PWWP2A: variants seen among roughly 807,000 people sequenced by gnomAD.
PWWP2A encodes the protein PWWP domain containing 2A.
A neutral mutation model predicts 48.5 loss-of-function variants in PWWP2A; 18 were observed. The ratio of observed to expected loss-of-function variants is 0.37; its 90% CI spans 0.26 to 0.55. The LOEUF (loss-of-function observed/expected upper bound fraction) is 0.55. PWWP2A is among the 20% of genes least tolerant of loss of function. The pLI is 0.81. For synonymous variants in PWWP2A, 396 were observed against 387.7 expected (o/e 1.02, Z -0.25); for missense variants, 867 against 976.4 (o/e 0.89, Z 1.49).
At chr5:160,118,502 T>C (rs896599842) in intron 1 of PWWP2A, among the ~76,000 whole-genome samples, 14 of 144,908 alleles carry the variant, frequency 9.7e-5, no homozygotes, top group Admixed American at 4.2e-4. Context: ...CCAGTGACGG[T>C]GACTCCAGGC....
downstream of PWWP2A, chr5:160,089,897 A>C (rs1351547336): frequency 1.0e-6 from 1 of 985,176 alleles, no homozygotes; most frequent in Non-Finnish European, 1.2e-6. Flanking sequence ...ATTCAACTCT[A>C]TCTCCATCTG....
intron 1 of PWWP2A, among the ~76,000 whole-genome samples, chr5:160,115,055 T>C (rs1561707942): frequency 2.1e-5 from 3 of 145,412 alleles, no homozygotes; most frequent in Non-Finnish European, 4.5e-5. Context: ...AAGAATCACT[T>C]GAACCCGGTG....
chr5:160,081,491 C>T (rs544359743), intron 2 of PWWP2A, among the ~76,000 whole-genome samples: 3 of 152,268 alleles, frequency 2.0e-5, no homozygotes, highest in South Asian at 2.1e-4. Flanking sequence ...CCACCTACCT[C>T]GGCCTCCCAA....
At chr5:160,102,374 G>T (rs930893592) in intron 1 of PWWP2A, among the ~76,000 whole-genome samples, 2 of 146,300 alleles carry the variant, frequency 1.4e-5, no homozygotes, top group Non-Finnish European at 3.0e-5. Context: ...CTCCAGCCTG[G>T]GCAACCAGGC....
chr5:160,083,451 C>T (rs1000640091), intron 2 of PWWP2A, among the ~76,000 whole-genome samples: 6 of 152,148 alleles, frequency 3.9e-5, no homozygotes, highest in African/African-American at 9.7e-5. Flanking sequence ...GCAATAAAAA[C>T]GAAAATGTTC....
intron 4 of PWWP2A, among the ~76,000 whole-genome samples, chr5:160,066,239 G>C (rs543443665): frequency 6.7e-6 from 1 of 149,710 alleles, no homozygotes; most frequent in East Asian, 2.0e-4. Context: ...TGGATGGTCT[G>C]GTAGTCAGTG....
At chr5:160,079,301 C>T (rs1308023904) in intron 3 of PWWP2A, among the ~76,000 whole-genome samples, 1 of 151,798 alleles carries the variant, frequency 6.6e-6, no homozygotes, top group African/African-American at 2.4e-5. Context: ...ATGCTTCCTT[C>T]GCTTACTAGA....
downstream of PWWP2A, chr5:160,090,170 GTTTT>G (rs922403629): frequency 1.1e-6 from 1 of 910,478 alleles, no homozygotes; most frequent in Non-Finnish European, 1.3e-6. Flanking sequence ...CAACAATCAT[GTTTT>G]TTTTTTCTTC....
the PWWP2A span, among the ~76,000 whole-genome samples, chr5:160,049,312 A>G: frequency 6.6e-6 from 1 of 152,216 alleles, no homozygotes; most frequent in Non-Finnish European, 1.5e-5. Flanking sequence ...GCTGCGACAC[A>G]GATGGTCTGT....
At chr5:160,105,274 C>T (rs1046569846) in intron 1 of PWWP2A, among the ~76,000 whole-genome samples, 10 of 142,572 alleles carry the variant, frequency 7.0e-5, no homozygotes, top group South Asian at 2.2e-4. Flanking sequence ...ACAGGCTGGG[C>T]GCGGTGGCTC....
At chr5:160,105,462 TGGGAGGCAGAGGTTGCA>T (rs1219121305) in intron 1 of PWWP2A, among the ~76,000 whole-genome samples, 6 of 147,144 alleles carry the variant, frequency 4.1e-5, no homozygotes, top group East Asian at 4.0e-4. Flanking sequence ...CGCCTGAACC[TGGGAGGCAGAGGTTGCA>T]GGGAGGCAGA....
chr5:160,090,937 G>GA, downstream of PWWP2A: 4 of 985,008 alleles, frequency 4.1e-6, no homozygotes, highest in Non-Finnish European at 4.8e-6. Flanking sequence ...GGACCATGTA[G>GA]AAAAATAGTA....
At chr5:160,109,649 G>C (rs1757243201) in intron 1 of PWWP2A, among the ~76,000 whole-genome samples, 1 of 150,678 alleles carries the variant, frequency 6.6e-6, no homozygotes, top group South Asian at 2.1e-4. Flanking sequence ...AAAACAAGGA[G>C]AGGCTTTGAA....
downstream of PWWP2A, among the ~76,000 whole-genome samples, chr5:160,058,479 C>T (rs187769667): frequency 2.8e-3 from 418 of 147,816 alleles, 3 homozygotes; most frequent in African/African-American, 9.4e-3. Flanking sequence ...GGTGCGATCT[C>T]GGCTCAGTGC....
At chr5:160,108,632 C>A in intron 1 of PWWP2A, 1 of 1,260,582 alleles carries the variant, frequency 7.9e-7, no homozygotes. Context: ...GAAAAGAAAT[C>A]ATTGTCTTGG....
At position 160,092,166 on chromosome 5, in the gene PWWP2A, A is replaced by G; in HGVS notation, c.*216T>C. 1 of 1,309,854 alleles carries G rather than the reference A, an allele frequency of 7.6e-7. No homozygotes were observed. Among genetic ancestry groups the G allele is most frequent in the African/African-American group, 1.5e-5 (1 of 67,552 alleles). The allele number at this position is 1,309,854 out of a possible 1,614,324, so 81.1% of individuals were successfully genotyped here. A position where few individuals can be genotyped will look rare whatever the true frequency, so the allele number is the denominator to read the frequency against. On this transcript the variant is annotated 3_prime_UTR_variant, in exon 2 of 2. Transcript: ENST00000307063. ...GTTTCGAACTTCAAAACTGAAAAAT[A>G]CTGCTAAAATCTCACTTCCTTAACA...
rs1348919567 is a variant in PWWP2A, at chr5:160,093,231, C to G, written c.1419G>C (p.Arg473=). The change falls in exon 2 of 2, where the codon CGG becomes CGC. Residue 473 remains arginine, a synonymous_variant. Transcript: ENST00000307063. The surrounding 1 kb of genome is among the most constrained non-coding windows in gnomAD (Gnocchi z 5.8). ...TGTACCTCTGTGGTTTTAAACGAAC[C>G]CGGGGTGGAAGGGAACCTGAGCTAG... ...QNPSSGSLPP[R]VRLKPQRYRN... 2.5e-6 allele frequency: 4 copies of G among 1,613,882 alleles called. No individual in the cohort carries two copies. In the South Asian group the frequency reaches 3.3e-5, roughly 13 times the overall value.
chr5:160,059,754 TAATTA>T (rs1158909576), downstream of PWWP2A, among the ~76,000 whole-genome samples: 2 of 152,186 alleles, frequency 1.3e-5, no homozygotes, highest in Non-Finnish European at 2.9e-5. Context: ...CACCCCAAAA[TAATTA>T]AATAGTAACC....
the PWWP2A span, among the ~76,000 whole-genome samples, chr5:160,045,084 G>C: frequency 6.6e-6 from 1 of 152,144 alleles, no homozygotes; most frequent in Non-Finnish European, 1.5e-5. Flanking sequence ...GAGGATGTGT[G>C]GGTTTGGGAA....
Sources: allele counts gnomAD v4.1 joint callset (sites outside exome capture counted in the v4.1 genomes callset), GRCh38; gene constraint gnomAD v4.1.1; non-coding constraint Gnocchi (gnomAD v3.1); transcripts MANE v1.5; gene names NCBI Gene and HGNC (gene_info 2026-07-23, HGNC 2026-07-21).